ZNF527: variants seen among roughly 807,000 people sequenced by gnomAD.
ZNF527 encodes zinc finger protein 527.
ZNF527 carries 5 observed loss-of-function variants against 13.5 expected under a neutral mutation model. The ratio of observed to expected loss-of-function variants is 0.37; its 90% CI spans 0.19 to 0.78. The LOEUF is 0.78. ZNF527 is among the 30% of genes least tolerant of loss of function. The probability of loss-of-function intolerance (pLI) is 0.48; values close to 1 mark genes in which losing one functional copy is unlikely to be tolerated. For synonymous variants in ZNF527, 209 were observed against 243.1 expected (o/e 0.86, Z 1.30); for missense variants, 628 against 726.4 (o/e 0.86, Z 1.56).
intron 3 of ZNF527, chr19:37,379,460 CT>C (rs34967980): frequency 0.043 from 6,942 of 160,842 alleles, no homozygotes; most frequent in South Asian, 0.084. Context: ...GAAGTAATTT[CT>C]TTTTTTTTTT....
chr19:37,382,061 G>A (rs564971552), intron 4 of ZNF527, among the ~76,000 whole-genome samples: 1 of 152,168 alleles, frequency 6.6e-6, no homozygotes, highest in Admixed American at 6.5e-5. Context: ...CTTCTGACAT[G>A]CCCCCATGCA....
chr19:37,381,751 C>T (rs1363484815), intron 4 of ZNF527, among the ~76,000 whole-genome samples: 3 of 151,938 alleles, frequency 2.0e-5, no homozygotes, highest in Admixed American at 2.0e-4. Context: ...GTGGTATTAA[C>T]CTAATGTTGA....
At chr19:37,371,996 CTT>C (rs201374770) in intron 1 of ZNF527, among the ~76,000 whole-genome samples, 2 of 138,096 alleles carry the variant, frequency 1.4e-5, no homozygotes, top group Non-Finnish European at 1.6e-5. Flanking sequence ...AGAGGTCTCG[CTT>C]TTTTTTTTTT....
At chr19:37,374,658 G>A (rs2040584879) in intron 2 of ZNF527, among the ~76,000 whole-genome samples, 1 of 152,236 alleles carries the variant, frequency 6.6e-6, no homozygotes. Flanking sequence ...GTGGGAACAT[G>A]TTTGGTGTAT....
rs1568691551 is a variant in ZNF527, at chr19:37,375,314, T to TTTCTTTC, written c.33+1083_33+1084insTTCTTTC. The stretch of plus-strand genomic sequence containing the variant: ...TCTTTCTTTCTTTCTTTCTTTCTTT[T>TTTCTTTC]CTTTCTTTCTTTCTTTCTTTCTTTC... On this transcript the variant is annotated intron_variant, in intron 2 of 4. Coordinates refer to ENST00000436120, the MANE Select transcript of ZNF527 (RefSeq NM_032453.2). 2.4e-3 allele frequency among the ~76,000 whole-genome samples: 230 copies of TTTCTTTC among 97,744 alleles called. 3 individuals carry two copies. The highest frequency in any genetic ancestry group is 2.9e-3 in the Admixed American group (27 of 9,176). 64.1% of individuals were successfully genotyped at this position (97,744 alleles called of 152,430 possible).
Position 37,388,710 on chromosome 19 carries a change from G to C in ZNF527, c.661G>C (p.Gly221Arg), listed in dbSNP as rs139954931. ...RLHAEKESLI[G>R]NECEEFNQST... ...CCATGCTGAGAAGGAATCTTTGATA[G>C]GTAATGAATGTGAAGAATTCAACCA... Residue 221 changes from glycine (G) to arginine (R), a missense_variant, in exon 5 of 5, where the codon GGT becomes CGT. Physicochemically the swap from Gly to Arg is moderately radical, Grantham distance 125. Coordinates refer to ENST00000436120, the MANE Select transcript of ZNF527 (RefSeq NM_032453.2). The C allele has an allele frequency of 5.6e-6, 9 of 1,611,790 alleles. No homozygotes were observed. The highest frequency in any genetic ancestry group is 2.2e-5 in the East Asian group (1 of 44,858).
intron 2 of ZNF527, among the ~76,000 whole-genome samples, chr19:37,377,399 T>C (rs926663574): frequency 1.6e-4 from 25 of 152,130 alleles, no homozygotes; most frequent in Non-Finnish European, 2.5e-4. Flanking sequence ...GAGATCGGGA[T>C]GAGTTGATGG....
chr19:37,383,174 A>G (rs1348205857), intron 4 of ZNF527, among the ~76,000 whole-genome samples: 2 of 152,158 alleles, frequency 1.3e-5, no homozygotes, highest in Admixed American at 1.3e-4. Context: ...CAGAGCTAAA[A>G]TCAAGATGTC....
At chr19:37,388,245 A>G (rs1315096878) in intron 4 of ZNF527, 61 bp from the exon 5 acceptor site, 1 of 1,555,398 alleles carries the variant, frequency 6.4e-7, no homozygotes, top group Non-Finnish European at 8.7e-7. Flanking sequence ...TTCTTCTCTA[A>G]CAATTTTCTT....
At chr19:37,373,846 G>A (rs1471696714) in intron 1 of ZNF527, among the ~76,000 whole-genome samples, 2 of 152,196 alleles carry the variant, frequency 1.3e-5, no homozygotes, top group African/African-American at 4.8e-5. Flanking sequence ...CCTGGAGTGT[G>A]GCGAGTAAGG....
At chr19:37,383,011 A>G (rs913375070) in intron 4 of ZNF527, among the ~76,000 whole-genome samples, 2 of 151,954 alleles carry the variant, frequency 1.3e-5, no homozygotes, top group African/African-American at 2.4e-5. Context: ...CCGGCCGTAT[A>G]TACGTAGTTT....
chr19:37,386,621 TAG>T (rs2040702145), intron 4 of ZNF527, among the ~76,000 whole-genome samples: 1 of 152,226 alleles, frequency 6.6e-6, no homozygotes. Flanking sequence ...CCGTATTGGA[TAG>T]CACAGCTCTA....
rs1568691443 is a variant in ZNF527, at chr19:37,375,298, CTTT to C, written c.33+1068_33+1070del. Among the ~76,000 whole-genome samples, 355 of 103,814 alleles carry C rather than the reference CTTT, an allele frequency of 3.4e-3. 7 individuals are homozygous for C. The highest frequency in any genetic ancestry group is 0.013 in the African/African-American group (301 of 23,076). The allele number at this position is 103,814 out of a possible 152,430, so 68.1% of individuals were successfully genotyped here. A position where few individuals can be genotyped will look rare whatever the true frequency, so the allele number is the denominator to read the frequency against. On this transcript the variant is annotated intron_variant, in intron 2 of 4. Transcript: ENST00000436120. ...TCTTTCTTTCTTTCTTTCTTTCTTT[CTTT>C]CTTTCTTTCTTTTCTTTCTTTCTTT...
chr19:37,375,311 T>TTTCTTTTC (rs760003304), intron 2 of ZNF527, among the ~76,000 whole-genome samples: 240 of 79,718 alleles, frequency 3.0e-3, no homozygotes, highest in Non-Finnish European at 3.5e-3. Flanking sequence ...TCTTTCTTTC[T>TTTCTTTTC]TTTCTTTCTT....
intron 4 of ZNF527, chr19:37,385,457 A>G: frequency 5.0e-6 from 2 of 398,090 alleles, no homozygotes; most frequent in Non-Finnish European, 8.9e-6. Flanking sequence ...ACCCTGGTTG[A>G]GTTCTTTCAC....
chr19:37,380,718 G>A (rs192461161), intron 4 of ZNF527, among the ~76,000 whole-genome samples: 2 of 152,166 alleles, frequency 1.3e-5, no homozygotes, highest in Admixed American at 1.3e-4. Context: ...GTAGTATTAG[G>A]TTGGTGCAAA....
chr19:37,380,410 A>G (rs940574889), intron 4 of ZNF527, 38 bp downstream of exon 4: 1 of 1,578,620 alleles, frequency 6.3e-7, no homozygotes, highest in Admixed American at 1.7e-5. Context: ...GACTATTGTA[A>G]GGTACTCAAC....
intron 4 of ZNF527, among the ~76,000 whole-genome samples, chr19:37,382,019 G>A (rs2040657775): frequency 1.3e-5 from 2 of 152,152 alleles, no homozygotes; most frequent in Admixed American, 6.5e-5. Context: ...AGCTTTGAAT[G>A]TTGGAATCTC....
chr19:37,374,102 G>T, intron 1 of ZNF527, 56 bp from the exon 2 acceptor site: 1 of 1,251,638 alleles, frequency 8.0e-7, no homozygotes, highest in South Asian at 1.2e-5. Context: ...GTGGGTCTTG[G>T]ACCAAAAACA....
Sources: allele counts gnomAD v4.1 joint callset (sites outside exome capture counted in the v4.1 genomes callset), GRCh38; gene constraint gnomAD v4.1.1; transcripts MANE v1.5; gene names NCBI Gene and HGNC (gene_info 2026-07-23, HGNC 2026-07-21).